SETBP1: variants seen among roughly 807,000 people sequenced by gnomAD.
The protein encoded by SETBP1 is SET binding protein 1.
A neutral mutation model predicts 101.0 loss-of-function variants in SETBP1; 9 were observed. The ratio of observed to expected loss-of-function variants is 0.09; its 90% CI spans 0.05 to 0.16. SETBP1 has a LOEUF of 0.16. Ranked by LOEUF, SETBP1 falls within the 10% of genes least tolerant of loss-of-function variation. SETBP1 has a pLI of 1.00. For synonymous variants in SETBP1, 818 were observed against 788.5 expected, an observed-to-expected ratio of 1.04 and a Z score of -0.63; for missense variants, 1,858 against 2,033.8, an observed-to-expected ratio of 0.91 and a Z score of 1.66.
At chr18:44,849,813 G>A (rs2072810937) in intron 2 of SETBP1, among the ~76,000 whole-genome samples, 1 of 152,234 alleles carries the variant, frequency 6.6e-6, no homozygotes, top group African/African-American at 2.4e-5. Context: ...TTCACAAAAA[G>A]AAATGTGAGG....
chr18:45,015,554 G>T lies in SETBP1; in HGVS notation c.4001-22931G>T, dbSNP rs750746415. 3.7e-4 allele frequency among the ~76,000 whole-genome samples: 56 copies of T among 152,166 alleles called. 1 individual carries two copies. The highest frequency in any genetic ancestry group is 1.5e-5 in the Non-Finnish European group (1 of 68,036). ...AGCATGCCTCCAAACATCCACTCAT[G>T]CCCCAAGCCTGATAAAACTGGCAGA... On this transcript the variant is annotated intron_variant, in intron 4 of 5. Transcript: ENST00000649279.
chr18:44,747,824 C>A (rs1042891448), intron 2 of SETBP1, among the ~76,000 whole-genome samples: 1 of 152,246 alleles, frequency 6.6e-6, no homozygotes, highest in African/African-American at 2.4e-5. Flanking sequence ...CATCACAGAT[C>A]TTCAAGTGTG....
At chr18:44,748,267 G>A (rs1424018724) in intron 2 of SETBP1, among the ~76,000 whole-genome samples, 1 of 152,186 alleles carries the variant, frequency 6.6e-6, no homozygotes, top group Non-Finnish European at 1.5e-5. Flanking sequence ...CAAGAAGAAG[G>A]GGTGCAAATA....
chr18:44,713,341 G>C (rs562730334), intron 2 of SETBP1, among the ~76,000 whole-genome samples: 3 of 152,104 alleles, frequency 2.0e-5, no homozygotes, highest in African/African-American at 2.4e-5. Flanking sequence ...GCCTTCACGG[G>C]GGGGGACGTG....
At chr18:44,847,769 A>C (rs2072753427) in intron 2 of SETBP1, among the ~76,000 whole-genome samples, 1 of 152,186 alleles carries the variant, frequency 6.6e-6, no homozygotes, top group East Asian at 1.9e-4. Context: ...TGCCAGTTAG[A>C]GATCATGCTA....
At chr18:44,878,262 C>T (rs1239745788) in intron 3 of SETBP1, among the ~76,000 whole-genome samples, 2 of 152,190 alleles carry the variant, frequency 1.3e-5, no homozygotes, top group Non-Finnish European at 2.9e-5. Context: ...TGTCTATGAT[C>T]CCTGGAGACT....
At chr18:44,892,333 A>G (rs192726303) in intron 3 of SETBP1, among the ~76,000 whole-genome samples, 67 of 152,272 alleles carry the variant, frequency 4.4e-4, no homozygotes, top group Admixed American at 2.1e-3. Context: ...ATGGCCTTAT[A>G]TGGGAATTAA....
chr18:44,699,482 A>T (rs1404110225), intron 1 of SETBP1, among the ~76,000 whole-genome samples: 3 of 152,226 alleles, frequency 2.0e-5, no homozygotes, highest in African/African-American at 7.2e-5. Context: ...GAGACAAAAA[A>T]TCTTATCAGT....
At chr18:44,709,557 G>A (rs1353756305) in intron 2 of SETBP1, among the ~76,000 whole-genome samples, 1 of 152,236 alleles carries the variant, frequency 6.6e-6, no homozygotes, top group East Asian at 1.9e-4. Context: ...TGGTGAGGTT[G>A]AAGTTGTCCG....
chr18:44,846,808 A>C (rs1397775648), intron 2 of SETBP1, among the ~76,000 whole-genome samples: 2 of 152,238 alleles, frequency 1.3e-5, no homozygotes, highest in African/African-American at 4.8e-5. Flanking sequence ...TGTTCCACCA[A>C]TATTTTATAG....
intron 2 of SETBP1, among the ~76,000 whole-genome samples, chr18:44,821,615 C>T (rs1426334266): frequency 2.0e-5 from 3 of 152,174 alleles, no homozygotes; most frequent in Non-Finnish European, 4.4e-5. Flanking sequence ...CCCCTGGTTT[C>T]TCAAAGACTT....
At chr18:44,712,008 C>T (rs1268932326) in intron 2 of SETBP1, among the ~76,000 whole-genome samples, 3 of 152,232 alleles carry the variant, frequency 2.0e-5, no homozygotes, top group Non-Finnish European at 4.4e-5. Flanking sequence ...TCCCTCACCT[C>T]CCCACCAGCC....
At chr18:45,004,986 A>G (rs2072694340) in intron 4 of SETBP1, among the ~76,000 whole-genome samples, 1 of 152,216 alleles carries the variant, frequency 6.6e-6, no homozygotes, top group Admixed American at 6.5e-5. Flanking sequence ...ATTTCATGGG[A>G]TGTGATTGTT....
intron 3 of SETBP1, among the ~76,000 whole-genome samples, chr18:44,885,050 C>T (rs1568199896): frequency 6.6e-6 from 1 of 152,120 alleles, no homozygotes; most frequent in African/African-American, 2.4e-5. Context: ...TATGAACACA[C>T]ATAAAAAGAT....
chr18:44,692,900 G>A (rs186510696), intron 1 of SETBP1, among the ~76,000 whole-genome samples: 2 of 152,340 alleles, frequency 1.3e-5, no homozygotes, highest in African/African-American at 2.4e-5. Flanking sequence ...GCTAGAGCAT[G>A]TGGTAGGTGA....
intron 2 of SETBP1, among the ~76,000 whole-genome samples, chr18:44,744,990 G>A (rs1255896486): frequency 2.6e-5 from 4 of 152,122 alleles, no homozygotes; most frequent in Non-Finnish European, 4.4e-5. Flanking sequence ...GGGCTGGCGG[G>A]CAGGCTGTCC....
At chr18:44,770,394 G>C (rs1299311607) in intron 2 of SETBP1, among the ~76,000 whole-genome samples, 2 of 152,174 alleles carry the variant, frequency 1.3e-5, no homozygotes, top group Non-Finnish European at 2.9e-5. Context: ...TGATCAGTTA[G>C]ACATCAAACA....
At chr18:44,881,527 C>T (rs2069529290) in intron 3 of SETBP1, among the ~76,000 whole-genome samples, 1 of 152,172 alleles carries the variant, frequency 6.6e-6, no homozygotes, top group African/African-American at 2.4e-5. Flanking sequence ...CAGAAATTCC[C>T]CATCAGCTGT....
chr18:44,803,200 CA>C (rs1250884235), intron 2 of SETBP1, among the ~76,000 whole-genome samples: 2 of 152,108 alleles, frequency 1.3e-5, no homozygotes, highest in Non-Finnish European at 2.9e-5. Flanking sequence ...TGTTATATAG[CA>C]GGCCATTAAA....
Sources: gnomAD v4.1 joint callset for allele counts (sites outside exome capture counted in the v4.1 genomes callset) on GRCh38, gnomAD v4.1.1 for gene constraint, MANE v1.5 for transcripts, NCBI Gene and HGNC (gene_info 2026-07-23, HGNC 2026-07-21) for gene names.